Variants in IQGAP2 observed in about 807,000 individuals in gnomAD.
The protein encoded by IQGAP2 is IQ motif containing GTPase activating protein 2.
In IQGAP2, 173 loss-of-function variants were observed where a neutral mutation model predicts 201.3. That is an observed-to-expected ratio of 0.86 (90% CI 0.76 to 0.98). The LOEUF is 0.98. IQGAP2 is among the 50% of genes least tolerant of loss of function. The pLI, the probability that IQGAP2 is intolerant of heterozygous loss-of-function variation, is 0.00. For missense variants in IQGAP2, 1,687 were observed against 1,864.8 expected (o/e 0.90, Z 1.76); for synonymous variants, 675 against 673.9 (o/e 1.00, Z -0.03).
At chr5:76,626,270 C>CTTTTCTTT (rs1750221451) in intron 13 of IQGAP2, among the ~76,000 whole-genome samples, 45 of 83,656 alleles carry the variant, frequency 5.4e-4, no homozygotes, top group African/African-American at 2.1e-3. Context: ...TTCTTCTTTT[C>CTTTTCTTT]TTTTTTTTTT....
chr5:76,642,553 A>C (rs1413464995), intron 17 of IQGAP2, among the ~76,000 whole-genome samples: 1 of 152,188 alleles, frequency 6.6e-6, no homozygotes, highest in Non-Finnish European at 1.5e-5. Flanking sequence ...TGAATAATAC[A>C]GTTAATAGGA....
At chr5:76,481,093 A>T (rs1398982767) in intron 2 of IQGAP2, among the ~76,000 whole-genome samples, 2 of 152,090 alleles carry the variant, frequency 1.3e-5, no homozygotes, top group Admixed American at 6.5e-5. Flanking sequence ...TGACTTAATC[A>T]TCTCCTAAAG....
chr5:76,443,316 A>G (rs13172560), intron 1 of IQGAP2, among the ~76,000 whole-genome samples: 3,297 of 152,168 alleles, frequency 0.022, 66 homozygotes, highest in Middle Eastern at 0.031. Context: ...ACAAACCAAA[A>G]TTCAACTATG....
In IQGAP2 at chr5:76,494,637, G is replaced by A. The variant is rs149364094; in HGVS notation, c.146+32968G>A. ...GAATAATTCCTAAAAGGACCACACCGCAGAAGGTTTTTAGTTTTTTGTTGT... is the reference window on the plus strand; with the variant it reads ...GAATAATTCCTAAAAGGACCACACCACAGAAGGTTTTTAGTTTTTTGTTGT... On this transcript the variant is annotated intron_variant, in intron 2 of 35. Coordinates refer to ENST00000274364, the MANE Select transcript of IQGAP2 (RefSeq NM_006633.5). 1.8e-4 allele frequency among the ~76,000 whole-genome samples: 27 copies of A among 152,266 alleles called. No individual in the cohort carries two copies. In the East Asian group the frequency reaches 4.8e-3, roughly 27 times the overall value.
intron 32 of IQGAP2, among the ~76,000 whole-genome samples, chr5:76,695,882 C>T (rs1218315531): frequency 7.8e-6 from 1 of 127,580 alleles, no homozygotes; most frequent in African/African-American, 3.1e-5. Context: ...GCTCTGTTGC[C>T]CAGGCTGGAG....
At chr5:76,579,737 A>C (rs182192989) in intron 5 of IQGAP2, among the ~76,000 whole-genome samples, 85 of 152,024 alleles carry the variant, frequency 5.6e-4, no homozygotes, top group Admixed American at 1.0e-3. Flanking sequence ...GTACCCAGTG[A>C]TCCTTAGGCT....
intron 22 of IQGAP2, among the ~76,000 whole-genome samples, chr5:76,668,419 A>G (rs1580771508): frequency 6.6e-6 from 1 of 151,586 alleles, no homozygotes; most frequent in Admixed American, 6.6e-5. Flanking sequence ...ATTTTAAAAT[A>G]TTAATATATG....
intron 2 of IQGAP2, among the ~76,000 whole-genome samples, chr5:76,484,858 G>A (rs185942063): frequency 7.9e-5 from 12 of 152,030 alleles, no homozygotes; most frequent in East Asian, 3.9e-4. Flanking sequence ...TTGAGACGGG[G>A]TCTCACTCTG....
chr5:76,569,546 A>G (rs1389522929), intron 3 of IQGAP2, among the ~76,000 whole-genome samples: 1 of 152,206 alleles, frequency 6.6e-6, no homozygotes, highest in Non-Finnish European at 1.5e-5. Flanking sequence ...CACCATTGAG[A>G]AGGCATAAAC....
At chr5:76,573,749 C>T (rs1018922527) in intron 4 of IQGAP2, among the ~76,000 whole-genome samples, 1 of 151,078 alleles carries the variant, frequency 6.6e-6, no homozygotes, top group African/African-American at 2.4e-5. Flanking sequence ...GTAGCTGGGA[C>T]TATAGGTGTG....
At chr5:76,517,247 C>A (rs113106618) in intron 2 of IQGAP2, among the ~76,000 whole-genome samples, 410 of 152,150 alleles carry the variant, frequency 2.7e-3, no homozygotes, top group African/African-American at 9.5e-3. Flanking sequence ...CAGATACATA[C>A]GTGCACACAC....
chr5:76,631,979 A>G lies in IQGAP2; in HGVS notation c.1733A>G (p.Lys578Arg), dbSNP rs1750746290. The G allele has an allele frequency of 6.2e-6, 10 of 1,612,108 alleles. No homozygotes were observed. The highest frequency in any genetic ancestry group is 8.5e-6 in the Non-Finnish European group (10 of 1,178,984). Residue 578 changes from lysine (K) to arginine (R), a missense_variant, in exon 15 of 36, where the codon AAA (lysine) becomes AGA (arginine). Lys to Arg is a conservative substitution (Grantham distance 26). Coordinates refer to ENST00000274364, the MANE Select transcript of IQGAP2 (RefSeq NM_006633.5). The part of the protein sequence containing the change: ...ANDIIPECAD[K>R]YYDALVKAKE... ...GACATAATCCCGGAGTGTGCTGACA[A>G]ATACTATGATGCCCTTGTGAAGGCA...
intron 13 of IQGAP2, among the ~76,000 whole-genome samples, chr5:76,626,118 C>G (rs1055630276): frequency 4.6e-5 from 7 of 152,106 alleles, no homozygotes; most frequent in Non-Finnish European, 1.0e-4. Flanking sequence ...CTTTCTAAAG[C>G]TATCTTTAAC....
At chr5:76,638,158 T>A (rs190031155) in intron 16 of IQGAP2, among the ~76,000 whole-genome samples, 46 of 152,334 alleles carry the variant, frequency 3.0e-4, no homozygotes, top group Admixed American at 1.3e-3. Context: ...TTTGTTATTT[T>A]AAATAAAAGA....
At chr5:76,672,173 C>G (rs1462785744) in intron 24 of IQGAP2, among the ~76,000 whole-genome samples, 190 bp downstream of exon 24, 1 of 152,166 alleles carries the variant, frequency 6.6e-6, no homozygotes, top group Non-Finnish European at 1.5e-5. Flanking sequence ...CATTTCAGAG[C>G]CAGGTGATCC....
At chr5:76,535,765 G>T (rs1339352967) in intron 2 of IQGAP2, among the ~76,000 whole-genome samples, 3 of 152,162 alleles carry the variant, frequency 2.0e-5, no homozygotes, top group African/African-American at 7.2e-5. Flanking sequence ...GCAGAGCAGG[G>T]CTACCCTACC....
At position 76,600,842 on chromosome 5, in the gene IQGAP2, G is replaced by T; in HGVS notation, c.1102G>T (p.Ala368Ser). The T allele has an allele frequency of 6.2e-7, 1 of 1,614,118 alleles. No homozygotes were observed. Among genetic ancestry groups the T allele is most frequent in the South Asian group, 1.1e-5 (1 of 91,080 alleles). ...CTTGGCCCACGAGGAGCTTTTGATTGCTGTGGAAATGTTGTCTGCTGTTGC... is the reference window on the plus strand; with the variant it reads ...CTTGGCCCACGAGGAGCTTTTGATTTCTGTGGAAATGTTGTCTGCTGTTGC... ...NYLAHEELLI[A>S]VEMLSAVALL... is the part of the protein sequence containing the mutation. The change falls in exon 11 of 36, where the codon GCT becomes TCT. Residue 368 changes from alanine (A) to serine (S), a missense_variant. Ala to Ser is a moderately conservative substitution (Grantham distance 99, BLOSUM62 1). Transcript: ENST00000274364.
rs144520444 is a variant in IQGAP2 at position 76,544,147 on chromosome 5, C to T, written c.147-18249C>T. On this transcript the variant is annotated intron_variant, in intron 2 of 35. Coordinates refer to ENST00000274364, the MANE Select transcript of IQGAP2 (RefSeq NM_006633.5). ...GTTCCTCTCATCATCTTCCTGTTCC[C>T]ATGGCCATGGCACCCCAAATGTCTG... 8.5e-4 allele frequency among the ~76,000 whole-genome samples: 130 copies of T among 152,316 alleles called. 1 individual carries two copies. Among genetic ancestry groups the T allele is most frequent in the African/African-American group, 2.9e-3 (122 of 41,568 alleles).
At chr5:76,450,929 C>T (rs1753701099) in intron 1 of IQGAP2, among the ~76,000 whole-genome samples, 2 of 151,526 alleles carry the variant, frequency 1.3e-5, no homozygotes, top group Admixed American at 6.6e-5. Context: ...TTTTAAATTG[C>T]CCTGAATCAT....
Sources: gnomAD v4.1 joint callset for allele counts (sites outside exome capture counted in the v4.1 genomes callset) on GRCh38, gnomAD v4.1.1 for gene constraint, MANE v1.5 for transcripts, NCBI Gene and HGNC (gene_info 2026-07-23, HGNC 2026-07-21) for gene names.